EDEM1: variants seen among roughly 807,000 people sequenced by gnomAD.
EDEM1 encodes ER degradation-enhancing alpha-mannosidase-like protein 1.
EDEM1 carries 67 observed loss-of-function variants against 74.4 expected under a neutral mutation model. That is an observed-to-expected ratio of 0.90 (90% confidence interval 0.74 to 1.10). The LOEUF (loss-of-function observed/expected upper bound fraction) is 1.10, where lower values mean the gene tolerates loss of function less well. Ranked by LOEUF, EDEM1 falls within the 50% of genes least tolerant of loss-of-function variation. EDEM1 has a pLI of 0.00. For missense variants in EDEM1, 926 were observed against 851.6 expected (o/e 1.09, Z -1.09); for synonymous variants, 382 against 335.9 (o/e 1.14, Z -1.50).
chr3:5,208,070 G>C (rs1559298982), intron 7 of EDEM1, 23 bp from the exon 8 acceptor site: 1 of 1,571,808 alleles, frequency 6.4e-7, no homozygotes, highest in Non-Finnish European at 8.6e-7. Context: ...ATCTCAGCCT[G>C]ATGACCTGTG....
intron 1 of EDEM1, among the ~76,000 whole-genome samples, chr3:5,194,158 C>G (rs1379119299): frequency 1.3e-5 from 2 of 152,176 alleles, no homozygotes; most frequent in East Asian, 1.9e-4. Context: ...AGATGAAGTG[C>G]TTTGGGATAT....
intron 2 of EDEM1, among the ~76,000 whole-genome samples, chr3:5,196,997 T>C (rs1337263588): frequency 6.6e-6 from 1 of 151,002 alleles, no homozygotes; most frequent in Non-Finnish European, 1.5e-5. Context: ...GGCGTGATCT[T>C]GGCTCACTTC....
intron 11 of EDEM1, among the ~76,000 whole-genome samples, chr3:5,215,338 G>C (rs558256508): frequency 1.3e-5 from 2 of 151,782 alleles, no homozygotes; most frequent in South Asian, 4.1e-4. Context: ...AGCATTTAGA[G>C]TTTAGTGAGT....
Position 5,187,942 on chromosome 3 carries a change from T to A in EDEM1, c.137T>A (p.Leu46Gln). The change falls in exon 1 of 12, where the codon CTG becomes CAG. Residue 46 changes from leucine to glutamine, a missense_variant. Leu to Gln is a moderately radical substitution (Grantham distance 113). Transcript: ENST00000256497. ...RFPLSFGFQR[L>Q]RSPDGPASPT... The stretch of plus-strand genomic sequence containing the variant: ...CCGCTCAGCTTCGGCTTCCAGCGTC[T>A]GAGGAGCCCCGACGGCCCCGCGTCG... 1 of 1,580,430 alleles carries A rather than the reference T, an allele frequency of 6.3e-7. No homozygotes were observed. The highest frequency in any genetic ancestry group is 8.6e-7 in the Non-Finnish European group (1 of 1,166,902).
chr3:5,215,672 T>TG (rs1419239694), intron 11 of EDEM1, among the ~76,000 whole-genome samples, 157 bp from the exon 12 acceptor site: 2 of 152,196 alleles, frequency 1.3e-5, no homozygotes, highest in South Asian at 2.1e-4. Context: ...CAAGGGGTGC[T>TG]GCTGACCGTC....
At chr3:5,215,696 G>A in intron 11 of EDEM1, 133 bp from the exon 12 acceptor site, 1 of 813,712 alleles carries the variant, frequency 1.2e-6, no homozygotes, top group Non-Finnish European at 2.1e-6. Flanking sequence ...CAGTGTACAG[G>A]CAGCTTCCAC....
intron 3 of EDEM1, among the ~76,000 whole-genome samples, chr3:5,201,349 C>G (rs1238421784): frequency 1.3e-5 from 2 of 151,936 alleles, no homozygotes; most frequent in African/African-American, 4.8e-5. Context: ...GAGACAGGGT[C>G]TTGCCTTGTT....
In EDEM1 at chr3:5,196,427, A is replaced by T. The variant is rs572607657; in HGVS notation, c.582+1146A>T. On this transcript the variant is annotated intron_variant, in intron 2 of 11. Coordinates refer to ENST00000256497, the MANE Select transcript of EDEM1 (RefSeq NM_014674.3). ...AGCTGAGATTGCGCCACTGCACTGT[A>T]GCCTGGGCAACAGAGTGAGACTCCA... 5.9e-5 allele frequency among the ~76,000 whole-genome samples: 9 copies of T among 151,312 alleles called. 1 individual carries two copies. The Admixed American group carries it at 6.0e-4, about 10-fold the overall frequency.
Position 5,187,894 on chromosome 3 carries a change from G to C in EDEM1, c.89G>C (p.Ser30Thr). 2 of 1,597,820 alleles carry C rather than the reference G, an allele frequency of 1.3e-6. No homozygotes were observed. Among genetic ancestry groups the C allele is most frequent in the Non-Finnish European group, 1.7e-6 (2 of 1,174,378 alleles). The change falls in exon 1 of 12, where the codon AGC becomes ACC. Residue 30 changes from serine to threonine, a missense_variant. Transcript: ENST00000256497. ...VLWLVFGLGP[S>T]MGFYQRFPLS... Reference sequence around the variant, plus strand: ...TGGCTCGTCTTCGGGCTGGGGCCCAGCATGGGCTTCTACCAGCGCTTTCCG... The same window carrying C: ...TGGCTCGTCTTCGGGCTGGGGCCCACCATGGGCTTCTACCAGCGCTTTCCG...
chr3:5,215,033 C>A (rs569341392), intron 11 of EDEM1, among the ~76,000 whole-genome samples: 1 of 152,154 alleles, frequency 6.6e-6, no homozygotes, highest in Non-Finnish European at 1.5e-5. Context: ...AAAGGGTGTT[C>A]AGGCAGAAGC....
intron 3 of EDEM1, 65 bp from the exon 4 acceptor site, chr3:5,201,688 G>T: frequency 6.3e-7 from 1 of 1,583,604 alleles, no homozygotes; most frequent in South Asian, 1.1e-5. Flanking sequence ...CTATCTTTCT[G>T]AATTGGATTA....
At chr3:5,203,178 T>C (rs1219091992) in intron 5 of EDEM1, 29 bp downstream of exon 5, 1 of 1,510,780 alleles carries the variant, frequency 6.6e-7, no homozygotes, top group Non-Finnish European at 8.8e-7. Flanking sequence ...CCATTGGGAC[T>C]GCACACTGCT....
chr3:5,215,465 A>G (rs140218567), intron 11 of EDEM1, among the ~76,000 whole-genome samples: 117 of 152,342 alleles, frequency 7.7e-4, no homozygotes, highest in African/African-American at 2.7e-3. Flanking sequence ...CCTGGCCACG[A>G]AGCAGTTGCT....
chr3:5,211,901 A>G lies in EDEM1; in HGVS notation c.1680+685A>G, dbSNP rs192409882. On this transcript the variant is annotated intron_variant, in intron 10 of 11. Coordinates refer to ENST00000256497, the MANE Select transcript of EDEM1 (RefSeq NM_014674.3). ...TCTCACCGCTCTGCCTCGTGCATAC[A>G]GCCACTCTCGTGCCCCCTGCCACTT... is the stretch of plus-strand genomic sequence containing the variant. Among the ~76,000 whole-genome samples the G allele has an allele frequency of 1.4e-3, 207 of 152,292 alleles. 1 individual carries two copies. The highest frequency in any genetic ancestry group is 4.8e-3 in the African/African-American group (200 of 41,548).
chr3:5,202,283 C>T (rs539175109), intron 4 of EDEM1, among the ~76,000 whole-genome samples: 1 of 152,316 alleles, frequency 6.6e-6, no homozygotes, highest in South Asian at 2.1e-4. Flanking sequence ...TCTGTTTTCC[C>T]AGAGATCCTC....
chr3:5,214,297 C>A (rs910760701), intron 11 of EDEM1, among the ~76,000 whole-genome samples: 6 of 152,214 alleles, frequency 3.9e-5, no homozygotes, highest in Non-Finnish European at 7.3e-5. Flanking sequence ...CCTTGGTGGT[C>A]AGGAGTTCGG....
intron 8 of EDEM1, among the ~76,000 whole-genome samples, chr3:5,209,333 G>A (rs1575590940): frequency 6.6e-6 from 1 of 152,264 alleles, no homozygotes; most frequent in South Asian, 2.1e-4. Context: ...GGAGGATGGC[G>A]TGCCGGTTAC....
chr3:5,187,760 G>A lies in EDEM1; in HGVS notation c.-46G>A. The A allele has an allele frequency of 2.7e-6, 4 of 1,481,898 alleles. No homozygotes were observed. The East Asian group carries it at 8.3e-5, about 31-fold the overall frequency. 91.8% of individuals were successfully genotyped at this position (1,481,898 alleles called of 1,614,324 possible). ...GAGCGCGGGGTGCGGTGGTCGGCGG[G>A]GAGGCCCCCGCGCTTTAAAATAATG... On this transcript the variant is annotated 5_prime_UTR_variant, in exon 1 of 12. Transcript: ENST00000256497.
chr3:5,210,484 C>A (rs775338873), intron 9 of EDEM1, among the ~76,000 whole-genome samples: 24 of 152,230 alleles, frequency 1.6e-4, no homozygotes, highest in Non-Finnish European at 2.4e-4. Context: ...CTTCTTTCCC[C>A]TAGTTATATA....
Sources: gnomAD v4.1 joint callset for allele counts (sites outside exome capture counted in the v4.1 genomes callset) on GRCh38, gnomAD v4.1.1 for gene constraint, MANE v1.5 for transcripts, NCBI Gene and HGNC (gene_info 2026-07-23, HGNC 2026-07-21) for gene names.